USO1: variants seen among roughly 807,000 people sequenced by gnomAD.
USO1 encodes the protein general vesicular transport factor p115.
USO1 carries 57 observed loss-of-function variants against 124.5 expected under a neutral mutation model. That is an observed-to-expected ratio of 0.46 (90% CI 0.37 to 0.57). The LOEUF (loss-of-function observed/expected upper bound fraction) is 0.57, where lower values mean the gene tolerates loss of function less well. USO1 is among the 20% of genes least tolerant of loss of function. USO1 has a pLI of 0.00. For synonymous variants in USO1, 369 were observed against 362.8 expected (o/e 1.02, Z -0.19); for missense variants, 900 against 1,040.6 (o/e 0.86, Z 1.86).
intron 15 of USO1, 43 bp from the exon 16 acceptor site, chr4:75,800,575 A>C (rs779520744): frequency 5.0e-6 from 7 of 1,404,612 alleles, no homozygotes; most frequent in Non-Finnish European, 6.5e-6. Context: ...TTTTGTTTTG[A>C]TTTTATTTTT....
chr4:75,764,388 A>G (rs1721705947), intron 4 of USO1, among the ~76,000 whole-genome samples: 2 of 152,224 alleles, frequency 1.3e-5, no homozygotes, highest in Non-Finnish European at 2.9e-5. Flanking sequence ...ACACTGGTGT[A>G]GTAAGTGCTG....
intron 10 of USO1, among the ~76,000 whole-genome samples, chr4:75,788,673 G>A (rs1402319639): frequency 2.0e-5 from 3 of 151,384 alleles, no homozygotes; most frequent in Non-Finnish European, 4.4e-5. Flanking sequence ...CTCCAGAGTA[G>A]CTGGGATTAC....
At chr4:75,805,906 TAATA>T (rs1722984104) in intron 19 of USO1, among the ~76,000 whole-genome samples, 1 of 152,182 alleles carries the variant, frequency 6.6e-6, no homozygotes, top group African/African-American at 2.4e-5. Flanking sequence ...GGAAATTATT[TAATA>T]AATGTTTGCT....
At chr4:75,750,630 G>A (rs1274361129) in intron 1 of USO1, among the ~76,000 whole-genome samples, 2 of 151,900 alleles carry the variant, frequency 1.3e-5, no homozygotes, top group African/African-American at 4.8e-5. Context: ...GACTATAGGT[G>A]CGCACCACCT....
At chr4:75,791,690 A>G (rs774839899) in intron 12 of USO1, among the ~76,000 whole-genome samples, 10 of 152,196 alleles carry the variant, frequency 6.6e-5, no homozygotes, top group African/African-American at 9.7e-5. Flanking sequence ...GTTAACTTTT[A>G]AACTTCAAGA....
intron 1 of USO1, among the ~76,000 whole-genome samples, chr4:75,747,785 A>ATT (rs1275917693): frequency 7.8e-6 from 1 of 127,726 alleles, no homozygotes; most frequent in Non-Finnish European, 1.6e-5. Context: ...AATTTTTTGT[A>ATT]TTTTTTTTTT....
intron 3 of USO1, 131 bp from the exon 4 acceptor site, chr4:75,757,366 T>C: frequency 2.7e-6 from 2 of 745,536 alleles, no homozygotes; most frequent in Non-Finnish European, 3.8e-6. Context: ...TTTTACAGTT[T>C]GCACTCTGAT....
Position 75,767,632 on chromosome 4 carries a change from T to C in USO1, c.296-2807T>C, listed in dbSNP as rs909950644. 17 of 285,780 alleles carry C rather than the reference T, an allele frequency of 5.9e-5. 1 individual carries two copies. Among genetic ancestry groups the C allele is most frequent in the African/African-American group, 3.9e-4 (17 of 43,320 alleles). The allele number at this position is 285,780 out of a possible 1,614,324, so 17.7% of individuals were successfully genotyped here. The stretch of plus-strand genomic sequence containing the variant: ...GGTAGCAGGCATCTGAAGTCCCAGC[T>C]ACTCGGGAGGCTGAGGCGAGCGGAT... On this transcript the variant is annotated intron_variant, in intron 4 of 23. Coordinates refer to ENST00000514213, the MANE Select transcript of USO1 (RefSeq NM_003715.4).
At chr4:75,773,305 GT>G (rs1350083023) in intron 7 of USO1, among the ~76,000 whole-genome samples, 1 of 151,990 alleles carries the variant, frequency 6.6e-6, no homozygotes, top group Non-Finnish European at 1.5e-5. Context: ...GTTTTTACAT[GT>G]TTTATAACCT....
chr4:75,724,824 A>G lies in USO1; in HGVS notation c.5A>G (p.Asn2Ser). The change falls in exon 1 of 24, where the codon AAT becomes AGT. Residue 2 changes from asparagine to serine, a missense_variant. By Grantham distance (46) the Asn-to-Ser change is conservative. Transcript: ENST00000514213. ...ACCTGGTGGCTGAACGGCAAGATGA[A>G]TTTCCTCCGCGGGGTAATGGGGGGT... is the stretch of plus-strand genomic sequence containing the variant. The part of the protein sequence containing the change: M[N>S]FLRGVMGGQS... The G allele has an allele frequency of 6.2e-7, 1 of 1,613,524 alleles. No homozygotes were observed. The highest frequency in any genetic ancestry group is 8.5e-7 in the Non-Finnish European group (1 of 1,179,760).
intron 4 of USO1, among the ~76,000 whole-genome samples, chr4:75,768,537 A>C (rs966863342): frequency 2.0e-5 from 3 of 152,202 alleles, no homozygotes; most frequent in Non-Finnish European, 4.4e-5. Flanking sequence ...GCTCTTTTGT[A>C]GATTCCATAG....
chr4:75,779,479 C>T (rs1722160375), intron 8 of USO1, among the ~76,000 whole-genome samples: 1 of 152,186 alleles, frequency 6.6e-6, no homozygotes, highest in Non-Finnish European at 1.5e-5. Context: ...CAGCAGTGAA[C>T]ACATGAATAA....
intron 1 of USO1, among the ~76,000 whole-genome samples, chr4:75,743,889 G>A (rs1168611927): frequency 6.6e-6 from 1 of 152,054 alleles, no homozygotes; most frequent in Non-Finnish European, 1.5e-5. Context: ...CCATTCTCCT[G>A]CCTCAGCCTC....
chr4:75,760,972 C>A (rs1392976233), intron 4 of USO1, among the ~76,000 whole-genome samples: 1 of 152,080 alleles, frequency 6.6e-6, no homozygotes, highest in African/African-American at 2.4e-5. Flanking sequence ...CGTGGTGAAA[C>A]CCTGTCTCTA....
At position 75,805,256 on chromosome 4, in the gene USO1, C is replaced by G; in HGVS notation, c.2242C>G (p.Leu748Val). 3 of 1,611,640 alleles carry G rather than the reference C, an allele frequency of 1.9e-6. No individual in the cohort carries two copies. The highest frequency in any genetic ancestry group is 2.5e-6 in the Non-Finnish European group (3 of 1,178,900). ...EIEELKRNQELLQSQLTEKDS... is the reference protein window; with the variant it reads ...EIEELKRNQEVLQSQLTEKDS... ...AGAAGAATTAAAACGTAATCAGGAA[C>G]TTTTACAAAGCCAGCTGACTGAAAA... The change falls in exon 19 of 24, where the codon CTT (leucine) becomes GTT (valine). Residue 748 changes from leucine to valine, a missense_variant. Transcript: ENST00000514213.
chr4:75,749,664 C>T (rs1423441640), intron 1 of USO1, among the ~76,000 whole-genome samples: 2 of 148,614 alleles, frequency 1.3e-5, no homozygotes, highest in East Asian at 2.0e-4. Context: ...AAAATACTTG[C>T]TTTTTTAATG....
At chr4:75,748,639 G>C (rs1721205137) in intron 1 of USO1, among the ~76,000 whole-genome samples, 1 of 152,188 alleles carries the variant, frequency 6.6e-6, no homozygotes, top group Non-Finnish European at 1.5e-5. Flanking sequence ...AGGTAAGGTT[G>C]AGGCTAGATT....
At chr4:75,790,115 C>G (rs771510616) in intron 10 of USO1, 35 bp from the exon 11 acceptor site, 1 of 1,485,206 alleles carries the variant, frequency 6.7e-7, no homozygotes, top group Non-Finnish European at 9.0e-7. Context: ...GACTTAATTT[C>G]TCTAAATGTT....
At position 75,759,996 on chromosome 4, in the gene USO1, G is replaced by A. The variant is rs186757172; in HGVS notation, c.295+2423G>A. 1.0e-2 allele frequency among the ~76,000 whole-genome samples: 1,516 copies of A among 151,772 alleles called. 11 individuals carry two copies. Among genetic ancestry groups the A allele is most frequent in the Non-Finnish European group, 0.015 (1,025 of 67,970 alleles). On this transcript the variant is annotated intron_variant, in intron 4 of 23. Coordinates refer to ENST00000514213, the MANE Select transcript of USO1 (RefSeq NM_003715.4). ...GGAGGCCAAGGTGGGTGGATCACCT[G>A]AGGTCAGGAGTTCGAGACCAGTCTC...
Sources: gnomAD v4.1 joint callset for allele counts (sites outside exome capture counted in the v4.1 genomes callset) on GRCh38, gnomAD v4.1.1 for gene constraint, MANE v1.5 for transcripts, NCBI Gene and HGNC (gene_info 2026-07-23, HGNC 2026-07-21) for gene names.